Variants in AQR observed in about 807,000 individuals in gnomAD.
The protein encoded by AQR is RNA helicase aquarius.
In AQR, 61 loss-of-function variants were observed where a neutral mutation model predicts 180.5. The observed-to-expected ratio is 0.34, with a 90% confidence interval of 0.28 to 0.42. AQR has a LOEUF of 0.42. Ranked by LOEUF, AQR falls within the 10% of genes least tolerant of loss-of-function variation. AQR has a pLI of 1.00. For missense variants in AQR, 1,281 were observed against 1,798.3 expected (o/e 0.71, Z 5.20); for synonymous variants, 551 against 588.8 (o/e 0.94, Z 0.93).
At chr15:34,924,650 C>T (rs977054749) in intron 13 of AQR, among the ~76,000 whole-genome samples, 1 of 151,838 alleles carries the variant, frequency 6.6e-6, no homozygotes, top group African/African-American at 2.4e-5. Flanking sequence ...AGGCTGGTCT[C>T]GAACTCCTGA....
chr15:34,921,935 C>T (rs550644442), intron 13 of AQR, among the ~76,000 whole-genome samples: 6 of 152,184 alleles, frequency 3.9e-5, no homozygotes, highest in East Asian at 1.9e-4. Flanking sequence ...CTCAGCCTCC[C>T]GAATAGGTGG....
At chr15:34,907,525 TAAC>T (rs900613345) in intron 17 of AQR, among the ~76,000 whole-genome samples, 4 of 152,232 alleles carry the variant, frequency 2.6e-5, no homozygotes, top group African/African-American at 9.6e-5. Context: ...ACAACCTTGT[TAAC>T]AACAAACACA....
At position 34,910,256 on chromosome 15, in the gene AQR, A is replaced by G; in HGVS notation, c.1542T>C (p.Ile514=). 1 of 1,614,224 alleles carries G rather than the reference A, an allele frequency of 6.2e-7. No individual in the cohort carries two copies. The highest frequency in any genetic ancestry group is 8.5e-7 in the Non-Finnish European group (1 of 1,180,040). ...CCACTTCAACGACAGTGAAAGCCACAATGGGCTGGGCCATTCGCGCCCAAC... is the reference window on the plus strand; with the variant it reads ...CCACTTCAACGACAGTGAAAGCCACGATGGGCTGGGCCATTCGCGCCCAAC... ...FGGWARMAQP[I]VAFTVVEVAK... Residue 514 remains isoleucine, a synonymous_variant, in exon 17 of 35, where the codon ATT becomes ATC. Transcript: ENST00000156471.
In AQR at chr15:34,896,898, A is replaced by G; in HGVS notation, c.2459T>C (p.Met820Thr). The change falls in exon 22 of 35, where the codon ATG becomes ACG. Residue 820 changes from methionine (M) to threonine (T), a missense_variant and splice_region_variant. This residue lies in a region of AQR where 112 missense variants were observed against 128.6 expected (regional missense o/e 0.87). Transcript: ENST00000156471. ...AAACAGGTGTAACAATTCTCTTACC[A>G]TAGTCAGCCCAGGCTGCATTCCAGC... The part of the protein sequence containing the change: ...IRAGMQPGLT[M>T]VVGPPGTGKT... 6.2e-7 allele frequency: 1 copy of G among 1,609,510 alleles called. No homozygotes were observed. Among genetic ancestry groups the G allele is most frequent in the Non-Finnish European group, 8.5e-7 (1 of 1,175,762 alleles).
chr15:34,863,173 T>G, intron 32 of AQR, 132 bp from the exon 33 acceptor site: 1 of 764,208 alleles, frequency 1.3e-6, no homozygotes, highest in South Asian at 2.3e-5. Flanking sequence ...TCTTAAAAAC[T>G]TAATAGAAGT....
At chr15:34,967,004 G>A (rs907663115) in intron 1 of AQR, among the ~76,000 whole-genome samples, 7 of 151,280 alleles carry the variant, frequency 4.6e-5, no homozygotes, top group Non-Finnish European at 1.0e-4. Flanking sequence ...AGCCTCCTGA[G>A]TAGCTGGGAT....
intron 13 of AQR, 49 bp downstream of exon 13, chr15:34,926,986 A>G: frequency 8.7e-7 from 1 of 1,143,914 alleles, no homozygotes; most frequent in Non-Finnish European, 1.2e-6. Flanking sequence ...AGTAAAATTG[A>G]GGGAGCATGA....
intron 2 of AQR, among the ~76,000 whole-genome samples, chr15:34,961,609 T>C (rs1369384049): frequency 1.1e-5 from 1 of 87,124 alleles, no homozygotes; most frequent in Non-Finnish European, 2.0e-5. Context: ...CGAGACTCCA[T>C]CTCAAAAAAA....
intron 25 of AQR, among the ~76,000 whole-genome samples, chr15:34,885,050 T>C (rs1893038351): frequency 6.6e-6 from 1 of 152,202 alleles, no homozygotes; most frequent in South Asian, 2.1e-4. Context: ...GAGTTTATTA[T>C]TAACGCTTAA....
At chr15:34,957,593 C>T (rs1052152884) in intron 3 of AQR, among the ~76,000 whole-genome samples, 3 of 149,818 alleles carry the variant, frequency 2.0e-5, no homozygotes, top group Non-Finnish European at 3.0e-5. Context: ...CCCTGCTACT[C>T]GGGAGGCTGA....
chr15:34,886,512 C>T lies in AQR; in HGVS notation c.2817+14G>A. The T allele has an allele frequency of 6.3e-7, 1 of 1,594,622 alleles. No homozygotes were observed. Among genetic ancestry groups the T allele is most frequent in the South Asian group, 1.1e-5 (1 of 87,136 alleles). The stretch of plus-strand genomic sequence containing the variant: ...TTATGATGAAGTATGATTCAAAAAC[C>T]CTTAATATCTTACCTGGTATAAGAA... On this transcript the variant is annotated intron_variant, in intron 25 of 34. Transcript: ENST00000156471.
intron 23 of AQR, among the ~76,000 whole-genome samples, chr15:34,892,913 A>G (rs1172917651): frequency 2.6e-5 from 4 of 152,226 alleles, no homozygotes; most frequent in African/African-American, 9.6e-5. Context: ...CTTTCACACC[A>G]TCATAAAGTC....
chr15:34,950,473 T>C (rs1055144962), intron 4 of AQR, among the ~76,000 whole-genome samples: 2 of 151,946 alleles, frequency 1.3e-5, no homozygotes, highest in African/African-American at 4.8e-5. Flanking sequence ...TAATTCCTTC[T>C]TTACCTGCGT....
intron 26 of AQR, 123 bp from the exon 27 acceptor site, chr15:34,882,762 T>C (rs1892994258): frequency 1.2e-6 from 1 of 838,232 alleles, no homozygotes; most frequent in Non-Finnish European, 1.7e-6. Flanking sequence ...CTAAGCCTAA[T>C]GAATTATAAT....
chr15:34,862,920 G>A lies in AQR; in HGVS notation c.3976C>T (p.Arg1326Cys), dbSNP rs1356976634. Reference sequence around the variant, plus strand: ...GGAATTATATGCAAATGAAGGGGGCGAGCTGTGAGCTGACTGAAAGCTGGA... The same window carrying A: ...GGAATTATATGCAAATGAAGGGGGCAAGCTGTGAGCTGACTGAAAGCTGGA... ...LTPAFSQLTA[R>C]PLHLHIIPTE... Residue 1326 changes from arginine (R) to cysteine (C), a missense_variant, in exon 33 of 35, where the codon CGC (arginine) becomes TGC (cysteine). Coordinates refer to ENST00000156471, the MANE Select transcript of AQR (RefSeq NM_014691.3). 4 of 1,613,718 alleles carry A rather than the reference G, an allele frequency of 2.5e-6. No homozygotes were observed. The highest frequency in any genetic ancestry group is 2.2e-5 in the South Asian group (2 of 91,072).
At chr15:34,906,286 G>C (rs1053918255) in intron 18 of AQR, among the ~76,000 whole-genome samples, 2 of 151,992 alleles carry the variant, frequency 1.3e-5, no homozygotes, top group African/African-American at 4.8e-5. Context: ...CTGGAGAATC[G>C]CATGAACCCA....
chr15:34,905,898 G>A (rs1337573477), intron 18 of AQR, among the ~76,000 whole-genome samples: 2 of 151,922 alleles, frequency 1.3e-5, no homozygotes, highest in Admixed American at 6.6e-5. Context: ...TTAGCCAGGC[G>A]CGGTGGCAGG....
At chr15:34,867,481 T>C (rs1164286462) in intron 32 of AQR, 43 bp downstream of exon 32, 5 of 1,499,042 alleles carry the variant, frequency 3.3e-6, no homozygotes, top group Admixed American at 3.4e-5. Context: ...TTGAAGTAGA[T>C]AGTAAAGTTC....
Position 34,953,984 on chromosome 15 carries a change from G to C in AQR, c.174-1064C>G, listed in dbSNP as rs184292024. ...CACTAGAGTGCAGTGGCACGATCTCGGTACACTGCAACCTCCGCCTCCCAG... is the reference window on the plus strand; with the variant it reads ...CACTAGAGTGCAGTGGCACGATCTCCGTACACTGCAACCTCCGCCTCCCAG... On this transcript the variant is annotated intron_variant, in intron 3 of 34. Transcript: ENST00000156471. 3.9e-3 allele frequency among the ~76,000 whole-genome samples: 598 copies of C among 152,152 alleles called. 1 individual carries two copies. The highest frequency in any genetic ancestry group is 0.01 in the African/African-American group (425 of 41,528).
Sources: gnomAD v4.1 joint callset for allele counts (sites outside exome capture counted in the v4.1 genomes callset) on GRCh38, gnomAD v4.1.1 for gene constraint, gnomAD v4.1.1 regional missense constraint, MANE v1.5 for transcripts, NCBI Gene and HGNC (gene_info 2026-07-23, HGNC 2026-07-21) for gene names.